CLDN10: variants seen among roughly 807,000 people sequenced by gnomAD.
The protein encoded by CLDN10 is claudin 10.
Under a neutral mutation model 22.9 loss-of-function variants are expected in CLDN10, and 15 were observed. That is an observed-to-expected ratio of 0.65 (90% CI 0.44 to 1.01). CLDN10 has a LOEUF of 1.01. CLDN10 is among the 50% of genes least tolerant of loss of function. The pLI is 0.00. For missense variants in CLDN10, 247 were observed against 287.8 expected (o/e 0.86, Z 1.03); for synonymous variants, 114 against 111.4 (o/e 1.02, Z -0.15).
chr13:95,455,088 G>A (rs183978572), intron 1 of CLDN10, among the ~76,000 whole-genome samples: 2,349 of 151,720 alleles, frequency 0.015, 72 homozygotes, highest in African/African-American at 0.054. Context: ...GAGGTGGGAG[G>A]ACTGCTTAAG....
At chr13:95,549,203 G>C (rs941072363), upstream of CLDN10, among the ~76,000 whole-genome samples, 1 of 152,204 alleles carries the variant, frequency 6.6e-6, no homozygotes, top group African/African-American at 2.4e-5. Flanking sequence ...CTAAACTATT[G>C]TTAACTAAGA....
intron 1 of CLDN10, among the ~76,000 whole-genome samples, chr13:95,538,497 T>C (rs548515960): frequency 1.3e-5 from 2 of 152,322 alleles, no homozygotes; most frequent in South Asian, 4.1e-4. Flanking sequence ...TATGTGATGA[T>C]AGAGTGATAT....
At chr13:95,494,756 T>G (rs1172954856) in intron 1 of CLDN10, among the ~76,000 whole-genome samples, 1 of 152,162 alleles carries the variant, frequency 6.6e-6, no homozygotes, top group Non-Finnish European at 1.5e-5. Context: ...CAGAGAATCT[T>G]AGGATGGTAG....
intron 1 of CLDN10, among the ~76,000 whole-genome samples, chr13:95,535,783 A>G (rs1174697870): frequency 6.6e-6 from 1 of 152,160 alleles, no homozygotes; most frequent in Non-Finnish European, 1.5e-5. Flanking sequence ...TGCTGGAGAT[A>G]CCAGCCCATG....
At chr13:95,519,164 A>C (rs1028999290) in intron 1 of CLDN10, among the ~76,000 whole-genome samples, 2 of 152,224 alleles carry the variant, frequency 1.3e-5, no homozygotes, top group African/African-American at 4.8e-5. Context: ...TTGGTGTATT[A>C]GTTAAGAATT....
chr13:95,524,322 G>A (rs575868036), intron 1 of CLDN10, among the ~76,000 whole-genome samples: 47 of 152,204 alleles, frequency 3.1e-4, no homozygotes, highest in African/African-American at 1.1e-3. Context: ...TGAGATATAC[G>A]TCACATAAAA....
chr13:95,518,281 T>C (rs1261241673), intron 1 of CLDN10, among the ~76,000 whole-genome samples: 1 of 152,172 alleles, frequency 6.6e-6, no homozygotes, highest in African/African-American at 2.4e-5. Flanking sequence ...AGAATCTTTA[T>C]AGGCAGGGCC....
At chr13:95,481,459 G>A (rs1179567879) in intron 1 of CLDN10, among the ~76,000 whole-genome samples, 5 of 152,152 alleles carry the variant, frequency 3.3e-5, no homozygotes, top group Non-Finnish European at 7.3e-5. Flanking sequence ...GGTGAGGCTG[G>A]TCTTCAGACC....
intron 1 of CLDN10, among the ~76,000 whole-genome samples, chr13:95,441,310 C>T (rs1026571905): frequency 2.0e-5 from 3 of 152,150 alleles, no homozygotes; most frequent in Non-Finnish European, 4.4e-5. Flanking sequence ...GGCTGGGGTG[C>T]AGTGGCGTGA....
rs545239273 is a variant in CLDN10, at chr13:95,553,054, C to T, written c.220+81C>T. On this transcript the variant is annotated intron_variant, in intron 1 of 4. Transcript: ENST00000299339. ...TAGGCGCCCTCTCGCCCCCAATACC[C>T]CCAGCGGGACCCCTAGACTGGACTC... 5,557 of 1,538,060 alleles carry T rather than the reference C, an allele frequency of 3.6e-3. 91 individuals are homozygous for T. The highest frequency in any genetic ancestry group is 2.0e-3 in the Non-Finnish European group (2,293 of 1,144,992).
chr13:95,478,149 G>GAA (rs5805937), intron 1 of CLDN10, among the ~76,000 whole-genome samples: 15 of 149,746 alleles, frequency 1.0e-4, no homozygotes, highest in South Asian at 2.1e-4. Flanking sequence ...AACTAAAATA[G>GAA]AAAAAAAAAA....
chr13:95,444,224 A>G (rs1471005609), intron 1 of CLDN10, among the ~76,000 whole-genome samples: 1 of 152,214 alleles, frequency 6.6e-6, no homozygotes, highest in Non-Finnish European at 1.5e-5. Context: ...TGCTGGGCTT[A>G]GTCATTTAAA....
intron 1 of CLDN10, among the ~76,000 whole-genome samples, chr13:95,554,836 C>T (rs1317849889): frequency 6.6e-6 from 1 of 152,086 alleles, no homozygotes; most frequent in African/African-American, 2.4e-5. Context: ...TCCAGCTTTT[C>T]TTTGTTGGTG....
At chr13:95,504,182 G>C (rs1182208590) in intron 1 of CLDN10, among the ~76,000 whole-genome samples, 1 of 152,170 alleles carries the variant, frequency 6.6e-6, no homozygotes, top group Non-Finnish European at 1.5e-5. Flanking sequence ...GAACCAGAAA[G>C]AGGACTACAG....
At chr13:95,447,775 A>G (rs867699733) in intron 1 of CLDN10, among the ~76,000 whole-genome samples, 15 of 142,890 alleles carry the variant, frequency 1.0e-4, no homozygotes, top group Middle Eastern at 3.7e-3. Context: ...GTGTGTGTGT[A>G]TCCATTTTTT....
intron 1 of CLDN10, among the ~76,000 whole-genome samples, chr13:95,452,358 A>G (rs536945132): frequency 6.6e-6 from 1 of 152,238 alleles, no homozygotes; most frequent in South Asian, 2.1e-4. Context: ...ATCATAATTT[A>G]TTATTATTTT....
In CLDN10 at chr13:95,542,856, G is replaced by A. The variant is rs192955996; in HGVS notation, c.215-17276G>A. Among the ~76,000 whole-genome samples the A allele has an allele frequency of 1.4e-3, 208 of 152,184 alleles. 2 individuals are homozygous for A. Among genetic ancestry groups the A allele is most frequent in the African/African-American group, 4.8e-3 (198 of 41,522 alleles). ...TAATAAAGACATAGTTATGACCATA[G>A]CAAACAAATAATGGTAAAAACTCAC... is the stretch of plus-strand genomic sequence containing the variant. On this transcript the variant is annotated intron_variant, in intron 1 of 4. Transcript: ENST00000376873.
intron 1 of CLDN10, among the ~76,000 whole-genome samples, chr13:95,538,188 T>C (rs1056797512): frequency 4.5e-5 from 5 of 111,646 alleles, no homozygotes; most frequent in African/African-American, 1.7e-4. Context: ...TTTTGAGACA[T>C]GCAATGGCAC....
At chr13:95,576,670 C>A (rs564063754) in intron 3 of CLDN10, among the ~76,000 whole-genome samples, 1 of 152,304 alleles carries the variant, frequency 6.6e-6, no homozygotes, top group African/African-American at 2.4e-5. Flanking sequence ...CTGCTGCGGT[C>A]ATCGGCAGAG....
Sources: allele counts gnomAD v4.1 joint callset (sites outside exome capture counted in the v4.1 genomes callset), GRCh38; gene constraint gnomAD v4.1.1; transcripts MANE v1.5; gene names NCBI Gene and HGNC (gene_info 2026-07-23, HGNC 2026-07-21).